FAT2: variants seen among roughly 807,000 people sequenced by gnomAD.
FAT2 encodes protocadherin Fat 2.
A neutral mutation model predicts 295.3 loss-of-function variants in FAT2; 150 were observed. The observed-to-expected ratio is 0.51, with a 90% CI of 0.44 to 0.58. The LOEUF is 0.58. Among genes scored for constraint, FAT2 ranks in the 20% least tolerant of loss-of-function variants. The pLI is 0.00. For missense variants in FAT2, 4,868 were observed against 5,442.7 expected (o/e 0.89, Z 3.32); for synonymous variants, 2,026 against 2,150.3 (o/e 0.94, Z 1.60).
rs1160155177 is a variant in FAT2 at position 151,547,065 on chromosome 5, C to A, written c.4790-728G>T. The stretch of plus-strand genomic sequence containing the variant: ...TACACTATTATTTAATTGATGTTTT[C>A]CTTTAAATTAACTCACTCAAATTTT... On this transcript the variant is annotated intron_variant, in intron 9 of 23. Coordinates refer to ENST00000261800, the MANE Select transcript of FAT2 (RefSeq NM_001447.3). 6.6e-5 allele frequency among the ~76,000 whole-genome samples: 10 copies of A among 152,030 alleles called. No homozygotes were observed. In the South Asian group the frequency reaches 2.1e-3, roughly 32 times the overall value.
At position 151,537,899 on chromosome 5, in the gene FAT2, G is replaced by A. The variant is rs372341542; in HGVS notation, c.9087C>T (p.Phe3029=). Residue 3029 remains phenylalanine (F), a synonymous_variant, in exon 12 of 24, where the codon TTC becomes TTT. Transcript: ENST00000261800. ...KVHEDVFPGH[F]ILKVSATDLD... is the part of the protein sequence containing the mutation. Reference sequence around the variant, plus strand: ...AGTCTGTGGCAGAAACCTTCAAAATGAAGTGTCCTGGAAATACATCTTCAT... The same window carrying A: ...AGTCTGTGGCAGAAACCTTCAAAATAAAGTGTCCTGGAAATACATCTTCAT... The A allele has an allele frequency of 1.5e-5, 25 of 1,614,060 alleles. No homozygotes were observed. The African/African-American group carries it at 3.1e-4, about 20-fold the overall frequency.
In FAT2 at chr5:151,525,822, C is replaced by T. The variant is rs2127584111; in HGVS notation, c.10452G>A (p.Val3484=). The change falls in exon 18 of 24, where the codon GTG becomes GTA. Residue 3484 remains valine, a synonymous_variant. Coordinates refer to ENST00000261800, the MANE Select transcript of FAT2 (RefSeq NM_001447.3). ...AFRVTPDGWL[V]TAEGLSRRAQ... Reference sequence around the variant, plus strand: ...CCCTCCTGCTTAGGCCCTCAGCAGTCACCAGCCATCCATCCGGGGTCACTC... The same window carrying T: ...CCCTCCTGCTTAGGCCCTCAGCAGTTACCAGCCATCCATCCGGGGTCACTC... 1 of 1,614,192 alleles carries T rather than the reference C, an allele frequency of 6.2e-7. No individual in the cohort carries two copies. Among genetic ancestry groups the T allele is most frequent in the African/African-American group, 1.3e-5 (1 of 75,050 alleles).
In FAT2 at chr5:151,521,343, C is replaced by T. The variant is rs776869049; in HGVS notation, c.11250G>A (p.Thr3750=). The change falls in exon 19 of 24, where the codon ACG becomes ACA. Residue 3750 remains threonine (T), a synonymous_variant. Transcript: ENST00000261800. The part of the protein sequence containing the change: ...TVHLDPKVGP[T]YSTARLSILT... ...GGATGCTGAGCCTGGCGGTGCTGTA[C>T]GTGGGCCCAACCTTGGGGTCCAGAT... 23 of 1,614,016 alleles carry T rather than the reference C, an allele frequency of 1.4e-5. No homozygotes were observed. Among genetic ancestry groups the T allele is most frequent in the Admixed American group, 5.0e-5 (3 of 60,004 alleles).
rs1361092332 is a variant in FAT2 at position 151,521,521 on chromosome 5, C to T, written c.11072G>A (p.Gly3691Glu). 1.4e-5 allele frequency: 22 copies of T among 1,614,112 alleles called. No individual in the cohort carries two copies. The South Asian group carries it at 2.1e-4, about 15-fold the overall frequency. ...DVLLVFEGHS[G>E]TFYEFQELAS... is the part of the protein sequence containing the mutation. ...TAGCTCCTGAAACTCGTAGAAGGTT[C>T]CAGAATGCCCCTCAAAGACCAGGAG... The change falls in exon 19 of 24, where the codon GGA becomes GAA. Residue 3691 changes from glycine to glutamate, a missense_variant. Gly to Glu is a moderately conservative substitution (Grantham distance 98, BLOSUM62 -2). Around this residue, in one of 5 missense-constraint regions of FAT2, gnomAD observed 1,046 missense variants for 1,210.1 expected, o/e 0.86. Transcript: ENST00000261800.
intron 1 of FAT2, among the ~76,000 whole-genome samples, chr5:151,583,912 C>T (rs1759062594): frequency 7.0e-6 from 1 of 142,314 alleles, no homozygotes; most frequent in Non-Finnish European, 1.5e-5. Flanking sequence ...GCACAAGAAT[C>T]ACTTGGGCCT....
intron 12 of FAT2, among the ~76,000 whole-genome samples, chr5:151,537,558 A>T (rs1412584672): frequency 1.3e-5 from 2 of 152,238 alleles, no homozygotes; most frequent in South Asian, 2.1e-4. Flanking sequence ...AATTTAGCAC[A>T]TTTAAAACCA....
intron 18 of FAT2, 35 bp from the exon 19 acceptor site, chr5:151,522,121 G>T: frequency 6.7e-7 from 1 of 1,495,020 alleles, no homozygotes; most frequent in South Asian, 1.3e-5. Flanking sequence ...TCACCCAACA[G>T]AACTGCAGTG....
rs774737566 is a variant in FAT2 at position 151,546,104 on chromosome 5, C to T, written c.5023G>A (p.Val1675Ile). The T allele has an allele frequency of 6.2e-7, 1 of 1,614,112 alleles. No homozygotes were observed. The highest frequency in any genetic ancestry group is 8.5e-7 in the Non-Finnish European group (1 of 1,180,020). The change falls in exon 10 of 24, where the codon GTT becomes ATT. Residue 1675 changes from valine to isoleucine, a missense_variant. By Grantham distance (29) the Val-to-Ile change is conservative. Around this residue, in one of 5 missense-constraint regions of FAT2, gnomAD observed 3,297 missense variants for 3,669.4 expected, o/e 0.90. Transcript: ENST00000261800. ...YFVEIPESIP[V>I]GSPILLVSAM... Reference sequence around the variant, plus strand: ...GAGACAAGGAGGATTGGGGAACCAACAGGGATTGATTCAGGGATCTCTACA... The same window carrying T: ...GAGACAAGGAGGATTGGGGAACCAATAGGGATTGATTCAGGGATCTCTACA...
Position 151,531,621 on chromosome 5 carries a change from G to C in FAT2, c.9777C>G (p.Asn3259Lys), listed in dbSNP as rs374920255. The change falls in exon 14 of 24, where the codon AAC (asparagine) becomes AAG (lysine). Residue 3259 changes from asparagine to lysine, a missense_variant. Transcript: ENST00000261800. The surrounding 1 kb of genome is among the most constrained non-coding windows in gnomAD (Gnocchi z 5.7). Reference sequence around the variant, plus strand: ...CATCCAGGCGGAACCTGCCTTGCTCGTTCCCGCTGACCACGCGGTAGCCGG... The same window carrying C: ...CATCCAGGCGGAACCTGCCTTGCTCCTTCCCGCTGACCACGCGGTAGCCGG... ...EKTGYRVVSGNEQGRFRLDAR... is the reference protein window; with the variant it reads ...EKTGYRVVSGKEQGRFRLDAR... The C allele has an allele frequency of 1.2e-6, 2 of 1,613,194 alleles. No homozygotes were observed. Among genetic ancestry groups the C allele is most frequent in the Non-Finnish European group, 1.7e-6 (2 of 1,179,958 alleles).
chr5:151,559,719 T>G (rs1757941348), intron 3 of FAT2, among the ~76,000 whole-genome samples: 3 of 152,038 alleles, frequency 2.0e-5, no homozygotes, highest in African/African-American at 4.8e-5. Context: ...TACTTCTGCC[T>G]CTCACCACTG....
At chr5:151,518,374 A>AATAATAATAATAATAATAATAATT (rs1554124018) in intron 19 of FAT2, among the ~76,000 whole-genome samples, 1 of 147,396 alleles carries the variant, frequency 6.8e-6, no homozygotes, top group African/African-American at 2.5e-5. Flanking sequence ...TAATAATAAT[A>AATAATAATAATAATAATAATAATT]ATTTTTAAAA....
At chr5:151,541,562 G>T (rs1028549283) in intron 10 of FAT2, among the ~76,000 whole-genome samples, 1 of 152,200 alleles carries the variant, frequency 6.6e-6, no homozygotes, top group Non-Finnish European at 1.5e-5. Flanking sequence ...TCATGGGAAT[G>T]GGGGGACATG....
chr5:151,511,043 G>A (rs1479252163), intron 21 of FAT2: 1 of 152,396 alleles, frequency 6.6e-6, no homozygotes, highest in Non-Finnish European at 1.5e-5. Context: ...GTCTGTGCTG[G>A]ATAAAGATCA....
chr5:151,540,530 C>A (rs1402474695), intron 11 of FAT2, 37 bp downstream of exon 11: 2 of 1,575,540 alleles, frequency 1.3e-6, no homozygotes, highest in South Asian at 1.2e-5. Flanking sequence ...ATCTTCCTTG[C>A]CTTCACTACC....
intron 1 of FAT2, among the ~76,000 whole-genome samples, chr5:151,573,285 G>T (rs1758610123): frequency 6.6e-6 from 1 of 152,210 alleles, no homozygotes. Flanking sequence ...ACGTGATATA[G>T]TTTTCAACAA....
chr5:151,573,432 G>T (rs945557454), intron 1 of FAT2, among the ~76,000 whole-genome samples: 2 of 152,158 alleles, frequency 1.3e-5, no homozygotes, highest in Non-Finnish European at 2.9e-5. Context: ...AAGCGGGGCA[G>T]ATCACAAGGT....
Position 151,567,166 on chromosome 5 carries a change from A to G in FAT2, c.1766T>C (p.Ile589Thr). The G allele has an allele frequency of 6.2e-7, 1 of 1,614,174 alleles. No individual in the cohort carries two copies. Among genetic ancestry groups the G allele is most frequent in the Non-Finnish European group, 8.5e-7 (1 of 1,180,016 alleles). ...VGKSIMTMSA[I>T]DVDELQNLKY... is the part of the protein sequence containing the mutation. ...TAGGTTCTGAAGCTCATCCACATCTATGGCTGACATAGTCATTATCGATTT... is the reference window on the plus strand; with the variant it reads ...TAGGTTCTGAAGCTCATCCACATCTGTGGCTGACATAGTCATTATCGATTT... Residue 589 changes from isoleucine (I) to threonine (T), a missense_variant, in exon 2 of 24, where the codon ATA becomes ACA. This residue lies in a region of FAT2 where 3,297 missense variants were observed against 3,669.4 expected (regional missense o/e 0.90). Coordinates refer to ENST00000261800, the MANE Select transcript of FAT2 (RefSeq NM_001447.3).
chr5:151,532,410 C>T (rs1360397268), intron 13 of FAT2, among the ~76,000 whole-genome samples: 1 of 151,548 alleles, frequency 6.6e-6, no homozygotes, highest in Non-Finnish European at 1.5e-5. Flanking sequence ...CACACACACA[C>T]ACACACACGC....
At chr5:151,530,451 C>T (rs147412672) in intron 14 of FAT2, among the ~76,000 whole-genome samples, 78 of 152,074 alleles carry the variant, frequency 5.1e-4, no homozygotes, top group African/African-American at 1.7e-3. Context: ...CCAATCCAAA[C>T]GATGGAAAAT....
Sources: allele counts gnomAD v4.1 joint callset (sites outside exome capture counted in the v4.1 genomes callset), GRCh38; gene constraint gnomAD v4.1.1; regional missense constraint gnomAD v4.1.1; non-coding constraint Gnocchi (gnomAD v3.1); transcripts MANE v1.5; gene names NCBI Gene and HGNC (gene_info 2026-07-23, HGNC 2026-07-21).